SCTR: variants seen among roughly 807,000 people sequenced by gnomAD.
SCTR encodes the protein secretin receptor.
A neutral mutation model predicts 60.8 loss-of-function variants in SCTR; 56 were observed. The observed-to-expected ratio is 0.92, with a 90% CI of 0.74 to 1.15. The LOEUF is 1.15. Among genes scored for constraint, SCTR ranks in the 50% most tolerant of loss-of-function variants. The pLI is 0.00. For synonymous variants in SCTR, 202 were observed against 217.0 expected, an observed-to-expected ratio of 0.93 and a Z score of 0.61; for missense variants, 562 against 550.4, an observed-to-expected ratio of 1.02 and a Z score of -0.21.
chr2:119,462,100 C>T (rs1683635554), intron 6 of SCTR, 100 bp from the exon 7 acceptor site: 1 of 1,220,900 alleles, frequency 8.2e-7, no homozygotes, highest in South Asian at 1.6e-5. Context: ...GGGGCAGGAG[C>T]CAGGCCACAA....
chr2:119,509,194 G>A (rs1303523516), intron 1 of SCTR, among the ~76,000 whole-genome samples: 1 of 152,196 alleles, frequency 6.6e-6, no homozygotes, highest in Non-Finnish European at 1.5e-5. Flanking sequence ...TAGAATGAAT[G>A]ACAGGTGTAG....
chr2:119,442,323 C>G (rs1682685694), intron 11 of SCTR, among the ~76,000 whole-genome samples: 2 of 152,344 alleles, frequency 1.3e-5, no homozygotes, highest in African/African-American at 4.8e-5. Flanking sequence ...TAAGAGGCCT[C>G]CAGATCAGCA....
intron 7 of SCTR, among the ~76,000 whole-genome samples, chr2:119,457,557 T>G (rs1683421686): frequency 6.6e-6 from 1 of 151,648 alleles, no homozygotes; most frequent in Non-Finnish European, 1.5e-5. Flanking sequence ...ACAATAAATG[T>G]AAAAAATCAG....
intron 1 of SCTR, among the ~76,000 whole-genome samples, chr2:119,518,073 G>A (rs1395511133): frequency 6.6e-6 from 1 of 152,136 alleles, no homozygotes; most frequent in African/African-American, 2.4e-5. Flanking sequence ...GGACAAAGTG[G>A]CCATGTGCAA....
chr2:119,491,930 C>T (rs1020385727), intron 2 of SCTR, among the ~76,000 whole-genome samples: 3 of 152,222 alleles, frequency 2.0e-5, no homozygotes, highest in Non-Finnish European at 4.4e-5. Context: ...GGTTTTGCTC[C>T]AGGTGGCTAC....
At chr2:119,451,132 C>T (rs2104771798) in intron 9 of SCTR, among the ~76,000 whole-genome samples, 1 of 152,308 alleles carries the variant, frequency 6.6e-6, no homozygotes, top group South Asian at 2.1e-4. Context: ...TGTGCCCTCT[C>T]CCCCTACCCC....
intron 2 of SCTR, 68 bp from the exon 3 acceptor site, chr2:119,478,986 C>A: frequency 6.3e-7 from 1 of 1,595,600 alleles, no homozygotes; most frequent in Non-Finnish European, 8.6e-7. Flanking sequence ...ATCCTGTCCA[C>A]ATCACCGACA....
At chr2:119,465,762 T>A (rs1444974971) in intron 5 of SCTR, 27 bp downstream of exon 5, 2 of 1,481,938 alleles carry the variant, frequency 1.3e-6, no homozygotes, top group Non-Finnish European at 1.9e-6. Flanking sequence ...AGGGCTGGGG[T>A]ATGGAGAGCT....
intron 4 of SCTR, among the ~76,000 whole-genome samples, chr2:119,467,224 C>G (rs368039032): frequency 6.6e-6 from 1 of 151,638 alleles, no homozygotes; most frequent in East Asian, 1.9e-4. Flanking sequence ...ACCAAAAATA[C>G]AAAAATTAGC....
At chr2:119,473,329 T>C in intron 4 of SCTR, 124 bp downstream of exon 4, 1 of 664,956 alleles carries the variant, frequency 1.5e-6, no homozygotes, top group South Asian at 1.8e-5. Context: ...GGGTAGCCCT[T>C]ACATCCTGAC....
chr2:119,523,445 C>G (rs896748228), intron 1 of SCTR, among the ~76,000 whole-genome samples: 1 of 139,630 alleles, frequency 7.2e-6, no homozygotes, highest in Non-Finnish European at 1.6e-5. Flanking sequence ...TATTATTTTC[C>G]TCCTCCAGCC....
intron 3 of SCTR, among the ~76,000 whole-genome samples, chr2:119,477,912 C>A (rs564062872): frequency 6.6e-6 from 1 of 152,192 alleles, no homozygotes; most frequent in Non-Finnish European, 1.5e-5. Context: ...TTGAGTGAGG[C>A]TTCGAGGGAG....
rs920343682 is a variant in SCTR, at chr2:119,464,143, T to C, written c.616A>G (p.Thr206Ala). 3 of 1,614,126 alleles carry C rather than the reference T, an allele frequency of 1.9e-6. No individual in the cohort carries two copies. The highest frequency in any genetic ancestry group is 2.5e-6 in the Non-Finnish European group (3 of 1,180,022). Residue 206 changes from threonine (T) to alanine (A), a missense_variant, in exon 6 of 13, where the codon ACC becomes GCC. Coordinates refer to ENST00000019103, the MANE Select transcript of SCTR (RefSeq NM_002980.3). Reference sequence around the variant, plus strand: ...ATTACCCTGTGGGCATCGCAGTAGGTGACATCATCTGAGGAGAAGAGCACG... The same window carrying C: ...ATTACCCTGTGGGCATCGCAGTAGGCGACATCATCTGAGGAGAAGAGCACG... ...DAVLFSSDDVTYCDAHRAGCK... is the reference protein window; with the variant it reads ...DAVLFSSDDVAYCDAHRAGCK...
At chr2:119,462,921 C>T (rs913044380) in intron 6 of SCTR, among the ~76,000 whole-genome samples, 2 of 152,176 alleles carry the variant, frequency 1.3e-5, no homozygotes, top group Admixed American at 6.5e-5. Context: ...GCATTGCTGG[C>T]CTTGTCCACT....
intron 3 of SCTR, among the ~76,000 whole-genome samples, chr2:119,474,975 T>G (rs1677204867): frequency 6.6e-6 from 1 of 152,232 alleles, no homozygotes; most frequent in Non-Finnish European, 1.5e-5. Context: ...TGTGTGACCT[T>G]CGGTGCATCA....
chr2:119,488,352 A>G (rs760827121), intron 2 of SCTR, among the ~76,000 whole-genome samples: 15 of 152,290 alleles, frequency 9.8e-5, no homozygotes, highest in Non-Finnish European at 1.8e-4. Flanking sequence ...CCCTTTTCTT[A>G]AGCAGAGTAA....
At chr2:119,478,996 A>C in intron 2 of SCTR, 78 bp from the exon 3 acceptor site, 1 of 1,576,404 alleles carries the variant, frequency 6.3e-7, no homozygotes. Flanking sequence ...CATCACCGAC[A>C]CCCTTGCCTG....
intron 10 of SCTR, among the ~76,000 whole-genome samples, chr2:119,447,700 T>G (rs1482288619): frequency 6.6e-6 from 1 of 152,042 alleles, no homozygotes; most frequent in Non-Finnish European, 1.5e-5. Flanking sequence ...GCCTCCCGAG[T>G]AGCTGAGATT....
intron 10 of SCTR, among the ~76,000 whole-genome samples, chr2:119,447,519 G>A (rs564140274): frequency 2.0e-5 from 3 of 152,264 alleles, no homozygotes; most frequent in East Asian, 1.9e-4. Flanking sequence ...CTCAAAACAC[G>A]AAACACCATG....
Sources: allele counts gnomAD v4.1 joint callset (sites outside exome capture counted in the v4.1 genomes callset), GRCh38; gene constraint gnomAD v4.1.1; transcripts MANE v1.5; gene names NCBI Gene and HGNC (gene_info 2026-07-23, HGNC 2026-07-21).